CD300A: variants seen among roughly 807,000 people sequenced by gnomAD.
The protein encoded by CD300A is CD300a molecule, also known as CMRF35-like molecule 8.
In CD300A, 22 loss-of-function variants were observed where a neutral mutation model predicts 33.6. That is an observed-to-expected ratio of 0.66 (90% confidence interval 0.47 to 0.94). CD300A has a LOEUF of 0.94. Ranked by LOEUF, CD300A falls within the 40% of genes least tolerant of loss-of-function variation. The probability of loss-of-function intolerance (pLI) is 0.00; values close to 1 mark genes in which losing one functional copy is unlikely to be tolerated. For missense variants in CD300A, 326 were observed against 360.5 expected, an observed-to-expected ratio of 0.90 and a Z score of 0.77; for synonymous variants, 136 against 148.1, an observed-to-expected ratio of 0.92 and a Z score of 0.59.
At chr17:74,466,993 G>A (rs1905753810) in intron 1 of CD300A, 8 of 1,396,144 alleles carry the variant, frequency 5.7e-6, no homozygotes, top group Non-Finnish European at 7.4e-6. Context: ...AGTGATAAGG[G>A]GTGGGTGCAG....
intron 5 of CD300A, 70 bp from the exon 6 acceptor site, chr17:74,481,656 C>T: frequency 1.8e-6 from 2 of 1,099,584 alleles, no homozygotes; most frequent in Non-Finnish European, 2.7e-6. Flanking sequence ...AGGGGAGACA[C>T]ATGCAGAGAC....
At chr17:74,475,836 G>C (rs1906425741) in intron 3 of CD300A, among the ~76,000 whole-genome samples, 2 of 152,120 alleles carry the variant, frequency 1.3e-5, no homozygotes, top group Admixed American at 1.3e-4. Flanking sequence ...ACCCCCCCAG[G>C]TTCAATAATT....
intron 1 of CD300A, among the ~76,000 whole-genome samples, chr17:74,471,667 C>T (rs1598448363): frequency 6.6e-6 from 1 of 152,180 alleles, no homozygotes; most frequent in South Asian, 2.1e-4. Flanking sequence ...CAGGAAGCAT[C>T]ACACCTGTGA....
intron 1 of CD300A, chr17:74,470,256 T>TAA (rs749558709): frequency 3.7e-4 from 368 of 983,808 alleles, no homozygotes; most frequent in Middle Eastern, 2.1e-3. Context: ...AGTGGGGAAG[T>TAA]AAATGGAGGG....
In CD300A at chr17:74,484,019, C is replaced by T. The variant is rs1247515055; in HGVS notation, c.793C>T (p.Leu265Phe). ...YSTVASPREELHYASVVFDSN... is the reference protein window; with the variant it reads ...YSTVASPREEFHYASVVFDSN... The stretch of plus-strand genomic sequence containing the variant: ...TCTGCAGGCCTCCCCCAGGGAAGAA[C>T]TTCACTATGCCTCGGTGGTGTTTGA... The change falls in exon 7 of 7, where the codon CTT becomes TTT. Residue 265 changes from leucine to phenylalanine, a missense_variant. Transcript: ENST00000360141. The T allele has an allele frequency of 6.2e-7, 1 of 1,613,930 alleles. No individual in the cohort carries two copies. Among genetic ancestry groups the T allele is most frequent in the African/African-American group, 1.3e-5 (1 of 74,920 alleles).
Position 74,466,654 on chromosome 17 carries a change from A to G in CD300A, c.-50A>G, listed in dbSNP as rs1465471650. 3.2e-6 allele frequency: 5 copies of G among 1,565,762 alleles called. No individual in the cohort carries two copies. Among genetic ancestry groups the G allele is most frequent in the African/African-American group, 2.7e-5 (2 of 73,856 alleles). ...GAGGCGTGACTTTCCCCTCGGGTCC[A>G]GGTAGGGCCTGGAGCTGCTGCAAGT... On this transcript the variant is annotated 5_prime_UTR_variant, in exon 1 of 7. Coordinates refer to ENST00000360141, the MANE Select transcript of CD300A (RefSeq NM_007261.4).
intron 6 of CD300A, among the ~76,000 whole-genome samples, chr17:74,482,700 TTCTTTCTTTCTTTCTTTC>T (rs1182688627): frequency 8.3e-6 from 1 of 119,966 alleles, no homozygotes; most frequent in Admixed American, 1.0e-4. Context: ...CTTCCTTCCT[TTCTTTCTTTCTTTCTTTC>T]TTTCTTTCTT....
chr17:74,466,412 G>A (rs1905709133), upstream of CD300A: 3 of 465,522 alleles, frequency 6.4e-6, no homozygotes, highest in Admixed American at 7.1e-5. Flanking sequence ...GATCAGTCCT[G>A]CAAGCTACGG....
chr17:74,468,388 G>A (rs1480411688), intron 1 of CD300A, among the ~76,000 whole-genome samples: 3 of 151,926 alleles, frequency 2.0e-5, no homozygotes, highest in Non-Finnish European at 2.9e-5. Flanking sequence ...ACTGGAGTGC[G>A]GTGGTGCAAT....
At chr17:74,483,430 C>T (rs978464709) in intron 6 of CD300A, among the ~76,000 whole-genome samples, 23 of 151,556 alleles carry the variant, frequency 1.5e-4, no homozygotes, top group African/African-American at 5.3e-4. Context: ...CAATCTTGGC[C>T]ATTGCAACCT....
rs985846479 is a variant in CD300A at position 74,480,341 on chromosome 17, C to G, written c.629-948C>G. ...GGGGTTGCCTGGCTGTGGACCTAAC[C>G]AAGGGCATCAGCAGCGTGTGTGTCA... On this transcript the variant is annotated intron_variant, in intron 4 of 6. Transcript: ENST00000360141. The surrounding 1 kb of genome is among the most constrained non-coding windows in gnomAD (Gnocchi z 4.2). 4.6e-5 allele frequency among the ~76,000 whole-genome samples: 7 copies of G among 152,162 alleles called. No homozygotes were observed. Among genetic ancestry groups the G allele is most frequent in the Admixed American group, 2.6e-4 (4 of 15,278 alleles).
chr17:74,474,833 C>T (rs571245778), intron 3 of CD300A, 148 bp downstream of exon 3: 21 of 775,400 alleles, frequency 2.7e-5, no homozygotes, highest in Middle Eastern at 3.9e-4. Context: ...CTGAACACCC[C>T]GGCTTGGACC....
rs746099520 is a variant in CD300A at position 74,473,733 on chromosome 17, A to G, written c.238A>G (p.Ser80Gly). Residue 80 changes from serine (S) to glycine (G), a missense_variant, in exon 2 of 7, where the codon AGT becomes GGT. By Grantham distance (56) the Ser-to-Gly change is moderately conservative. Coordinates refer to ENST00000360141, the MANE Select transcript of CD300A (RefSeq NM_007261.4). Reference sequence around the variant, plus strand: ...GAACGGCCGAGTGTCCATCAGGGACAGTCCTGCAAACCTCAGCTTCACAGT... The same window carrying G: ...GAACGGCCGAGTGTCCATCAGGGACGGTCCTGCAAACCTCAGCTTCACAGT... Reference protein sequence around the residue: ...KRNGRVSIRDSPANLSFTVTL... With the variant: ...KRNGRVSIRDGPANLSFTVTL... 6.8e-6 allele frequency: 11 copies of G among 1,614,148 alleles called. No homozygotes were observed. Among genetic ancestry groups the G allele is most frequent in the Non-Finnish European group, 7.6e-6 (9 of 1,180,056 alleles).
chr17:74,479,092 G>A (rs1906667259), intron 4 of CD300A, among the ~76,000 whole-genome samples: 2 of 152,184 alleles, frequency 1.3e-5, no homozygotes, highest in Non-Finnish European at 2.9e-5. Context: ...TTTGAAAAAT[G>A]AGCAAAAGCA....
At position 74,480,359 on chromosome 17, in the gene CD300A, G is replaced by T. The variant is rs1193267944; in HGVS notation, c.629-930G>T. Among the ~76,000 whole-genome samples, 1 of 152,208 alleles carries T rather than the reference G, an allele frequency of 6.6e-6. No homozygotes were observed. Among genetic ancestry groups the T allele is most frequent in the Non-Finnish European group, 1.5e-5 (1 of 68,026 alleles). On this transcript the variant is annotated intron_variant, in intron 4 of 6. Coordinates refer to ENST00000360141, the MANE Select transcript of CD300A (RefSeq NM_007261.4). The surrounding 1 kb of genome is among the most constrained non-coding windows in gnomAD (Gnocchi z 4.2). ...ACCTAACCAAGGGCATCAGCAGCGT[G>T]TGTGTCACCCGCTGCCCACGTGGTC... is the stretch of plus-strand genomic sequence containing the variant.
chr17:74,470,267 T>G (rs1328257118), intron 1 of CD300A: 3 of 975,712 alleles, frequency 3.1e-6, no homozygotes, highest in Non-Finnish European at 3.6e-6. Context: ...AAATGGAGGG[T>G]TTTCTGACAC....
rs182049035 is a variant in CD300A at position 74,483,341 on chromosome 17, T to C, written c.775-660T>C. 4.7e-4 allele frequency among the ~76,000 whole-genome samples: 71 copies of C among 150,608 alleles called. No homozygotes were observed. In the East Asian group the frequency reaches 0.012, roughly 26 times the overall value. ...GCTTCGTTGTGAGAACTTTCCTTTT[T>C]TTTTCTTTTCTTTTCTTTTTTTCTT... On this transcript the variant is annotated intron_variant, in intron 6 of 6. Transcript: ENST00000360141.
chr17:74,481,463 G>A (rs1339735066), intron 5 of CD300A, 137 bp downstream of exon 5: 6 of 781,816 alleles, frequency 7.7e-6, no homozygotes, highest in Admixed American at 2.3e-5. Context: ...GAATGATGCT[G>A]GGAGATGTGG....
intron 4 of CD300A, among the ~76,000 whole-genome samples, chr17:74,478,952 G>A (rs781479625): frequency 6.6e-6 from 1 of 152,174 alleles, no homozygotes; most frequent in Non-Finnish European, 1.5e-5. Flanking sequence ...GCACCCACGT[G>A]GATGCCACTG....
Sources: allele counts gnomAD v4.1 joint callset (sites outside exome capture counted in the v4.1 genomes callset), GRCh38; gene constraint gnomAD v4.1.1; non-coding constraint Gnocchi (gnomAD v3.1); transcripts MANE v1.5; gene names NCBI Gene and HGNC (gene_info 2026-07-23, HGNC 2026-07-21).